DGKE: variants seen among roughly 807,000 people sequenced by gnomAD.
DGKE encodes the protein DAG kinase epsilon.
DGKE carries 53 observed loss-of-function variants against 70.0 expected under a neutral mutation model. The ratio of observed to expected loss-of-function variants is 0.76; its 90% CI spans 0.61 to 0.95. DGKE has a LOEUF of 0.95. Among genes scored for constraint, DGKE ranks in the 40% least tolerant of loss-of-function variants. The pLI, the probability that DGKE is intolerant of heterozygous loss-of-function variation, is 0.00. For missense variants in DGKE, 655 were observed against 706.9 expected (o/e 0.93, Z 0.83); for synonymous variants, 291 against 257.0 (o/e 1.13, Z -1.27).
intron 7 of DGKE, among the ~76,000 whole-genome samples, chr17:56,851,325 C>A (rs1411361347): frequency 6.6e-6 from 1 of 152,112 alleles, no homozygotes; most frequent in Non-Finnish European, 1.5e-5. Context: ...AGGTTTACTC[C>A]GGAAAGTTTA....
chr17:56,852,608 T>TAA (rs201332526), intron 7 of DGKE, among the ~76,000 whole-genome samples: 1 of 145,670 alleles, frequency 6.9e-6, no homozygotes, highest in Non-Finnish European at 1.6e-5. Flanking sequence ...TGATTTATTT[T>TAA]AAAAAAAAAA....
At position 56,865,890 on chromosome 17, in the gene DGKE, A is replaced by C. The variant is rs1010905907; in HGVS notation, c.*3099A>C. 1 of 152,144 alleles carries C rather than the reference A, an allele frequency of 6.6e-6. No individual in the cohort carries two copies. The highest frequency in any genetic ancestry group is 6.5e-5 in the Admixed American group (1 of 15,276). The allele number at this position is 152,144 out of a possible 1,614,324, so 9.4% of individuals were successfully genotyped here. ...AAAGGTTATACTAATTTAATGATTAATGTGGACCCAAATACATAATTTGGC... is the reference window on the plus strand; with the variant it reads ...AAAGGTTATACTAATTTAATGATTACTGTGGACCCAAATACATAATTTGGC... On this transcript the variant is annotated 3_prime_UTR_variant, in exon 12 of 12. Coordinates refer to ENST00000284061, the MANE Select transcript of DGKE (RefSeq NM_003647.3).
In DGKE at chr17:56,845,758, T is replaced by G. The variant is rs1321430551; in HGVS notation, c.693T>G (p.Asn231Lys). 3 of 1,612,664 alleles carry G rather than the reference T, an allele frequency of 1.9e-6. No homozygotes were observed. The highest frequency in any genetic ancestry group is 2.7e-5 in the African/African-American group (2 of 74,822). ...TGGCCAACTCTCGTAGTGGAACTAA[T>G]ATGGGAGAAGGACTGTTGGGAGAAT... ...IILANSRSGT[N>K]MGEGLLGEFR... Residue 231 changes from asparagine to lysine, a missense_variant, in exon 4 of 12, where the codon AAT becomes AAG. Asn to Lys is a moderately conservative substitution (Grantham distance 94). Transcript: ENST00000284061.
At chr17:56,856,436 C>T in intron 7 of DGKE, 76 bp from the exon 8 acceptor site, 1 of 1,456,562 alleles carries the variant, frequency 6.9e-7, no homozygotes. Context: ...AACACAAAGA[C>T]TAAGATTGAC....
intron 7 of DGKE, among the ~76,000 whole-genome samples, chr17:56,850,920 T>C (rs1175580789): frequency 2.0e-5 from 3 of 152,188 alleles, no homozygotes; most frequent in African/African-American, 7.2e-5. Context: ...GTGTGCTTAG[T>C]TCTGCCCTAG....
chr17:56,857,407 C>T (rs1041300334), intron 8 of DGKE, among the ~76,000 whole-genome samples: 1 of 152,082 alleles, frequency 6.6e-6, no homozygotes, highest in Non-Finnish European at 1.5e-5. Context: ...TAGTTGATTC[C>T]GTTGATGGAA....
In DGKE at chr17:56,834,775, T is replaced by C. The variant is rs201624094; in HGVS notation, c.-18-3T>C. On this transcript the variant is annotated splice_polypyrimidine_tract_variant and splice_region_variant and intron_variant, in intron 1 of 11. Coordinates refer to ENST00000284061, the MANE Select transcript of DGKE (RefSeq NM_003647.3). ...GTGCACCGCCTGTTTCTTTTCTGGTTAGGTATCGTCCTTGGAGAAGATGGA... is the reference window on the plus strand; with the variant it reads ...GTGCACCGCCTGTTTCTTTTCTGGTCAGGTATCGTCCTTGGAGAAGATGGA... 44 of 1,574,626 alleles carry C rather than the reference T, an allele frequency of 2.8e-5. No individual in the cohort carries two copies. Among genetic ancestry groups the C allele is most frequent in the Non-Finnish European group, 3.7e-5 (43 of 1,161,468 alleles).
At chr17:56,847,772 A>G (rs1032904598) in intron 4 of DGKE, 150 bp from the exon 5 acceptor site, 3 of 414,556 alleles carry the variant, frequency 7.2e-6, no homozygotes, top group Non-Finnish European at 8.1e-6. Flanking sequence ...ATGAATATAA[A>G]GAGTCTGGCA....
In DGKE at chr17:56,850,761, G is replaced by C. The variant is rs145559604; in HGVS notation, c.1098+1529G>C. Among the ~76,000 whole-genome samples the C allele has an allele frequency of 6.9e-4, 105 of 152,160 alleles. No individual in the cohort carries two copies. The Middle Eastern group carries it at 0.01, about 15-fold the overall frequency. ...TCAGAAGCCAAAACTAGGAAGGTTC[G>C]CATATTGAAAAAAGCTCAAAAGTGC... On this transcript the variant is annotated intron_variant, in intron 7 of 11. Transcript: ENST00000284061.
intron 10 of DGKE, 102 bp downstream of exon 10, chr17:56,862,020 A>G: frequency 7.9e-6 from 12 of 1,523,470 alleles, no homozygotes; most frequent in South Asian, 2.6e-5. Flanking sequence ...TTTTTTGTGT[A>G]TCTCATTAGT....
intron 9 of DGKE, among the ~76,000 whole-genome samples, chr17:56,859,534 CTCA>C (rs1281593559): frequency 6.6e-6 from 1 of 151,380 alleles, no homozygotes; most frequent in Non-Finnish European, 1.5e-5. Context: ...ATTCTCCTGC[CTCA>C]TCCTCCTAAG....
intron 9 of DGKE, among the ~76,000 whole-genome samples, chr17:56,860,522 C>T (rs1908229210): frequency 6.6e-6 from 1 of 152,178 alleles, no homozygotes; most frequent in African/African-American, 2.4e-5. Context: ...GATTGAGACC[C>T]TGTCTCCAAG....
At chr17:56,844,778 A>G (rs1174605915) in intron 3 of DGKE, among the ~76,000 whole-genome samples, 1 of 152,184 alleles carries the variant, frequency 6.6e-6, no homozygotes, top group Non-Finnish European at 1.5e-5. Flanking sequence ...TTATAGATGT[A>G]GATATGTGTA....
intron 2 of DGKE, 88 bp downstream of exon 2, chr17:56,835,347 T>C (rs751630337): frequency 7.5e-6 from 10 of 1,333,432 alleles, no homozygotes; most frequent in Non-Finnish European, 2.0e-6. Flanking sequence ...CTTTAATCTC[T>C]GCTGATGACC....
rs114945163 is a variant in DGKE at position 56,838,250 on chromosome 17, C to T, written c.464+2991C>T. Reference sequence around the variant, plus strand: ...AGATTGGCCTCAGTGTAACTAGTCTCAGCTTTGATCATAAATTTTGTTTCT... The same window carrying T: ...AGATTGGCCTCAGTGTAACTAGTCTTAGCTTTGATCATAAATTTTGTTTCT... On this transcript the variant is annotated intron_variant, in intron 2 of 11. Coordinates refer to ENST00000284061, the MANE Select transcript of DGKE (RefSeq NM_003647.3). Among the ~76,000 whole-genome samples, 1,348 of 152,316 alleles carry T rather than the reference C, an allele frequency of 8.9e-3. 22 individuals carry two copies. The highest frequency in any genetic ancestry group is 0.03 in the African/African-American group (1,248 of 41,568).
chr17:56,851,800 T>A (rs774447738), intron 7 of DGKE, among the ~76,000 whole-genome samples: 25 of 152,218 alleles, frequency 1.6e-4, no homozygotes, highest in Non-Finnish European at 3.4e-4. Flanking sequence ...AGAACAGGGT[T>A]CTATAAAAGG....
rs1908582838 is a variant in DGKE, at chr17:56,867,663, A to C, written c.*4872A>C. The C allele has an allele frequency of 6.6e-6, 1 of 152,358 alleles. No homozygotes were observed. Among genetic ancestry groups the C allele is most frequent in the Admixed American group, 6.6e-5 (1 of 15,260 alleles). 9.4% of individuals were successfully genotyped at this position (152,358 alleles called of 1,614,324 possible). The stretch of plus-strand genomic sequence containing the variant: ...GTAATCCCAGCACTTTGGGAGGCTG[A>C]GGCAGGTGGATCACGAGGTCAGGAG... On this transcript the variant is annotated 3_prime_UTR_variant, in exon 12 of 12. Coordinates refer to ENST00000284061, the MANE Select transcript of DGKE (RefSeq NM_003647.3).
At chr17:56,860,188 G>A (rs1908209158) in intron 9 of DGKE, among the ~76,000 whole-genome samples, 2 of 152,016 alleles carry the variant, frequency 1.3e-5, no homozygotes, top group African/African-American at 4.8e-5. Context: ...CCTCGATACT[G>A]GAGGTAGACA....
rs907671298 is a variant in DGKE, at chr17:56,834,153, G to C, written c.-126G>C. 1 of 152,350 alleles carries C rather than the reference G, an allele frequency of 6.6e-6. No individual in the cohort carries two copies. The highest frequency in any genetic ancestry group is 1.5e-5 in the Non-Finnish European group (1 of 68,178). The allele number at this position is 152,350 out of a possible 1,614,324, so 9.4% of individuals were successfully genotyped here. On this transcript the variant is annotated 5_prime_UTR_variant, in exon 1 of 12. Coordinates refer to ENST00000284061, the MANE Select transcript of DGKE (RefSeq NM_003647.3). Reference sequence around the variant, plus strand: ...GGCGTGCGTGCGGCTGGAGCCTTAAGCGTTTCCCCCGCCCGGCTTCATCCC... The same window carrying C: ...GGCGTGCGTGCGGCTGGAGCCTTAACCGTTTCCCCCGCCCGGCTTCATCCC...
Sources: gnomAD v4.1 joint callset for allele counts (sites outside exome capture counted in the v4.1 genomes callset) on GRCh38, gnomAD v4.1.1 for gene constraint, MANE v1.5 for transcripts, NCBI Gene and HGNC (gene_info 2026-07-23, HGNC 2026-07-21) for gene names.